Variants in HERC1 observed in about 807,000 individuals in gnomAD.
The protein encoded by HERC1 is probable E3 ubiquitin-protein ligase HERC1.
Under a neutral mutation model 554.3 loss-of-function variants are expected in HERC1, and 160 were observed. That is an observed-to-expected ratio of 0.29 (90% CI 0.25 to 0.33). The LOEUF (loss-of-function observed/expected upper bound fraction) is 0.33. HERC1 is among the 10% of genes least tolerant of loss of function. HERC1 has a pLI of 1.00. For synonymous variants in HERC1, 2,175 were observed against 2,131.7 expected, an observed-to-expected ratio of 1.02 and a Z score of -0.56; for missense variants, 4,919 against 5,918.5, an observed-to-expected ratio of 0.83 and a Z score of 5.54.
chr15:63,650,124 CG>C (rs1282902590), intron 53 of HERC1, among the ~76,000 whole-genome samples, 199 bp from the exon 54 acceptor site: 1 of 152,010 alleles, frequency 6.6e-6, no homozygotes, highest in East Asian at 1.9e-4. Context: ...GTTTTTCAGC[CG>C]GGCACAGTGG....
rs1409946605 is a variant in HERC1 at position 63,758,567 on chromosome 15, G to A, written c.1027-198C>T. 6.6e-6 allele frequency among the ~76,000 whole-genome samples: 1 copy of A among 152,056 alleles called. No homozygotes were observed. The highest frequency in any genetic ancestry group is 1.5e-5 in the Non-Finnish European group (1 of 68,012). Reference sequence around the variant, plus strand: ...AAGACGCTAATGAAGTGGCAAAAGTGGGAAACGGGAGACACACAATCCTTT... The same window carrying A: ...AAGACGCTAATGAAGTGGCAAAAGTAGGAAACGGGAGACACACAATCCTTT... On this transcript the variant is annotated intron_variant, in intron 3 of 77. Transcript: ENST00000443617. This position sits in a 1 kb window ranked among gnomAD's most constrained non-coding sequence, Gnocchi z 4.0.
At chr15:63,690,487 T>G (rs1055318531) in intron 32 of HERC1, 54 bp downstream of exon 32, 12 of 1,141,314 alleles carry the variant, frequency 1.1e-5, no homozygotes, top group Non-Finnish European at 1.6e-5. Context: ...CAGATTTGGG[T>G]GAATCATTTT....
rs926361405 is a variant in HERC1, at chr15:63,640,141, A to T, written c.11901+11T>A. On this transcript the variant is annotated intron_variant, in intron 61 of 77. Transcript: ENST00000443617. ...TCAGCTGCAAATAATAGCAGCTCAC[A>T]GTACATTTACCATTAGAAATACAAG... is the stretch of plus-strand genomic sequence containing the variant. 1 of 1,611,116 alleles carries T rather than the reference A, an allele frequency of 6.2e-7. No homozygotes were observed. The highest frequency in any genetic ancestry group is 1.7e-5 in the Admixed American group (1 of 59,804).
At chr15:63,636,275 T>G (rs931957148) in intron 64 of HERC1, 133 bp from the exon 65 acceptor site, 18 of 498,756 alleles carry the variant, frequency 3.6e-5, no homozygotes, top group African/African-American at 3.6e-4. Flanking sequence ...TTTCATTAGT[T>G]TTTTTTTTTT....
intron 55 of HERC1, 141 bp downstream of exon 55, chr15:63,647,926 TGA>T: frequency 1.5e-6 from 1 of 680,902 alleles, no homozygotes; most frequent in Non-Finnish European, 2.5e-6. Flanking sequence ...GGATGGATTA[TGA>T]GAGATTACTT....
intron 34 of HERC1, among the ~76,000 whole-genome samples, chr15:63,685,994 C>G (rs1335046485): frequency 6.6e-6 from 1 of 152,048 alleles, no homozygotes; most frequent in African/African-American, 2.4e-5. Context: ...TGAACAGTTC[C>G]CTATAAAAAT....
intron 63 of HERC1, 102 bp from the exon 64 acceptor site, chr15:63,637,745 T>C (rs2068845808): frequency 6.0e-6 from 6 of 1,005,710 alleles, no homozygotes; most frequent in South Asian, 1.9e-5. Flanking sequence ...GCTTTTATAA[T>C]TGTTTTATCC....
In HERC1 at chr15:63,626,018, G is replaced by T; in HGVS notation, c.13242C>A (p.Ser4414=). ...TGGGGCTAAGGTTCAGCAGTCTCCA[G>T]GATGAGTACATGAGGTCAGAGAAGT... The part of the protein sequence containing the change: ...LYHFSDLMYS[S]WRLLNLSPNN... Residue 4414 remains serine, a synonymous_variant, in exon 71 of 78, where the codon TCC becomes TCA. Transcript: ENST00000443617. 1 of 1,611,876 alleles carries T rather than the reference G, an allele frequency of 6.2e-7. No individual in the cohort carries two copies. The highest frequency in any genetic ancestry group is 8.5e-7 in the Non-Finnish European group (1 of 1,179,050).
At chr15:63,809,261 T>C (rs2077226284) in intron 1 of HERC1, among the ~76,000 whole-genome samples, 2 of 152,216 alleles carry the variant, frequency 1.3e-5, no homozygotes, top group African/African-American at 4.8e-5. Context: ...ACCCCTAGTA[T>C]ATTCTAATGA....
chr15:63,667,284 A>T (rs2070691371), intron 40 of HERC1, among the ~76,000 whole-genome samples: 1 of 152,246 alleles, frequency 6.6e-6, no homozygotes, highest in Non-Finnish European at 1.5e-5. Flanking sequence ...ATGGTTCAGT[A>T]TTTGCTAATT....
At chr15:63,786,898 A>T (rs550651860) in intron 1 of HERC1, among the ~76,000 whole-genome samples, 10 of 151,826 alleles carry the variant, frequency 6.6e-5, no homozygotes, top group Non-Finnish European at 1.2e-4. Context: ...ACGTGATGTG[A>T]ACTTCAACTC....
chr15:63,615,803 C>A lies in HERC1; in HGVS notation c.14059G>T (p.Ala4687Ser). The A allele has an allele frequency of 6.2e-7, 1 of 1,605,226 alleles. No individual in the cohort carries two copies. Among genetic ancestry groups the A allele is most frequent in the East Asian group, 2.2e-5 (1 of 44,460 alleles). ...FSNRKEYVERAIEYRLHEMDR... is the reference protein window; with the variant it reads ...FSNRKEYVERSIEYRLHEMDR... ...ATCTCATGAAGTCGATATTCAATGG[C>A]CCTCTCCACATATTCCTTCCTGTTG... The change falls in exon 76 of 78, where the codon GCC becomes TCC. Residue 4687 changes from alanine to serine, a missense_variant. Coordinates refer to ENST00000443617, the MANE Select transcript of HERC1 (RefSeq NM_003922.4).
chr15:63,724,710 A>G (rs1156872397), intron 18 of HERC1, among the ~76,000 whole-genome samples: 4 of 152,222 alleles, frequency 2.6e-5, no homozygotes, highest in Non-Finnish European at 5.9e-5. Context: ...AATTCTAGAT[A>G]AAACAACTGG....
At chr15:63,637,228 C>T (rs2068822334) in intron 64 of HERC1, 1 of 514,046 alleles carries the variant, frequency 1.9e-6, no homozygotes, top group African/African-American at 1.9e-5. Flanking sequence ...TGCCTACTTA[C>T]ACTTTTGCAA....
chr15:63,643,334 A>G (rs1490689291), intron 58 of HERC1, 70 bp downstream of exon 58: 43 of 1,370,196 alleles, frequency 3.1e-5, no homozygotes, highest in Non-Finnish European at 4.0e-5. Context: ...CAATTGGTTA[A>G]TTTTTATCAC....
chr15:63,813,475 G>GT (rs533618207), intron 1 of HERC1, among the ~76,000 whole-genome samples: 2,682 of 150,940 alleles, frequency 0.018, 43 homozygotes, highest in Admixed American at 0.042. Flanking sequence ...GTGCGAAAGG[G>GT]TTTTTTTTTA....
chr15:63,742,086 T>C (rs1044742030), intron 12 of HERC1, among the ~76,000 whole-genome samples: 1 of 152,240 alleles, frequency 6.6e-6, no homozygotes, highest in Non-Finnish European at 1.5e-5. Flanking sequence ...AGTATTGACA[T>C]CTTCACAATA....
At chr15:63,816,174 T>G (rs968098036) in intron 1 of HERC1, among the ~76,000 whole-genome samples, 1 of 152,220 alleles carries the variant, frequency 6.6e-6, no homozygotes, top group Non-Finnish European at 1.5e-5. Flanking sequence ...GGTTCAGAGA[T>G]CAAATAAATT....
At chr15:63,828,563 T>G (rs1477968484) in intron 1 of HERC1, among the ~76,000 whole-genome samples, 3 of 152,064 alleles carry the variant, frequency 2.0e-5, no homozygotes, top group South Asian at 2.1e-4. Flanking sequence ...GGTCTCAAAC[T>G]CCCAACCTCA....
Sources: allele counts gnomAD v4.1 joint callset (sites outside exome capture counted in the v4.1 genomes callset), GRCh38; gene constraint gnomAD v4.1.1; non-coding constraint Gnocchi (gnomAD v3.1); transcripts MANE v1.5; gene names NCBI Gene and HGNC (gene_info 2026-07-23, HGNC 2026-07-21).